The following NBEA variants were observed in gnomAD, a reference collection of about 807,000 sequenced individuals.
NBEA encodes lysosomal-trafficking regulator 2.
Under a neutral mutation model 343.4 loss-of-function variants are expected in NBEA, and 44 were observed. The ratio of observed to expected loss-of-function variants is 0.13; its 90% CI spans 0.10 to 0.16. The LOEUF (loss-of-function observed/expected upper bound fraction) is 0.16, where lower values mean the gene tolerates loss of function less well. Ranked by LOEUF, NBEA falls within the 10% of genes least tolerant of loss-of-function variation. The pLI is 1.00. For synonymous variants in NBEA, 1,175 were observed against 1,238.7 expected (o/e 0.95, Z 1.08); for missense variants, 2,555 against 3,631.3 (o/e 0.70, Z 7.62).
At chr13:35,264,446 A>G (rs1173437418) in intron 34 of NBEA, among the ~76,000 whole-genome samples, 2 of 152,024 alleles carry the variant, frequency 1.3e-5, no homozygotes, top group Non-Finnish European at 2.9e-5. Flanking sequence ...CATTATGAAA[A>G]AAGAAAACTG....
At chr13:35,628,325 G>T in intron 49 of NBEA, 77 bp downstream of exon 49, 1 of 1,123,606 alleles carries the variant, frequency 8.9e-7, no homozygotes, top group Non-Finnish European at 1.2e-6. Context: ...ATCTCTTTCT[G>T]TATAATTTTG....
chr13:35,585,312 C>A (rs1036230944), intron 46 of NBEA, among the ~76,000 whole-genome samples: 2 of 151,996 alleles, frequency 1.3e-5, no homozygotes, highest in Admixed American at 1.3e-4. Flanking sequence ...AGTTCCACAT[C>A]CATCACTTTA....
At chr13:35,322,163 G>A (rs2152841257) in intron 36 of NBEA, among the ~76,000 whole-genome samples, 1 of 152,282 alleles carries the variant, frequency 6.6e-6, no homozygotes, top group Non-Finnish European at 1.5e-5. Flanking sequence ...AACTCCTGCA[G>A]CTAGCTCAGT....
At chr13:35,123,360 C>G (rs2066904162) in intron 16 of NBEA, 122 bp from the exon 17 acceptor site, 1 of 505,966 alleles carries the variant, frequency 2.0e-6, no homozygotes, top group South Asian at 6.2e-5. Flanking sequence ...GAATTATAAT[C>G]CTGAGAAGAA....
At chr13:35,331,224 A>C (rs1295321379) in intron 36 of NBEA, among the ~76,000 whole-genome samples, 1 of 151,986 alleles carries the variant, frequency 6.6e-6, no homozygotes, top group African/African-American at 2.4e-5. Flanking sequence ...TACTTTTGAG[A>C]TTTTGGAGCC....
chr13:35,584,012 T>A lies in NBEA; in HGVS notation c.7150T>A (p.Ser2384Thr). The part of the protein sequence containing the change: ...HYNTHYSTAT[S>T]TLSWLVRIEP... ...TAATACCCATTATTCAACAGCAACA[T>A]CTACTTTATCCTGGCTTGTTCGAAT... is the stretch of plus-strand genomic sequence containing the variant. Residue 2384 changes from serine (S) to threonine (T), a missense_variant, in exon 46 of 59, where the codon TCT (serine) becomes ACT (threonine). Physicochemically the swap from Ser to Thr is moderately conservative, Grantham distance 58. Coordinates refer to ENST00000379939, the MANE Select transcript of NBEA (RefSeq NM_001385012.1). 6.2e-7 allele frequency: 1 copy of A among 1,613,704 alleles called. No individual in the cohort carries two copies. The highest frequency in any genetic ancestry group is 8.5e-7 in the Non-Finnish European group (1 of 1,179,740).
At chr13:35,091,417 G>T (rs754507649) in intron 10 of NBEA, among the ~76,000 whole-genome samples, 65 of 151,902 alleles carry the variant, frequency 4.3e-4, no homozygotes, top group Admixed American at 2.0e-4. Flanking sequence ...TGCATACATG[G>T]ATCTAATCCA....
At chr13:35,482,982 A>G (rs1176919223) in intron 41 of NBEA, among the ~76,000 whole-genome samples, 1 of 151,882 alleles carries the variant, frequency 6.6e-6, no homozygotes, top group Non-Finnish European at 1.5e-5. Flanking sequence ...AGACTGTAAC[A>G]CCGTTATTTA....
intron 10 of NBEA, among the ~76,000 whole-genome samples, chr13:35,085,329 C>T (rs1461492450): frequency 1.8e-4 from 28 of 152,094 alleles, no homozygotes; most frequent in Non-Finnish European, 3.2e-4. Context: ...ATGCAAAAAT[C>T]CTCAATAAAA....
At chr13:35,426,212 C>T (rs908675627) in intron 38 of NBEA, among the ~76,000 whole-genome samples, 2 of 152,120 alleles carry the variant, frequency 1.3e-5, no homozygotes, top group Non-Finnish European at 2.9e-5. Flanking sequence ...GGCTATTTTG[C>T]TCGTTAGTTG....
intron 55 of NBEA, among the ~76,000 whole-genome samples, chr13:35,659,121 A>C (rs1241551871): frequency 6.6e-6 from 1 of 152,192 alleles, no homozygotes; most frequent in Non-Finnish European, 1.5e-5. Context: ...GTTATGTCTA[A>C]ATTTGTATTA....
intron 17 of NBEA, among the ~76,000 whole-genome samples, chr13:35,140,331 G>A (rs1049175658): frequency 1.3e-5 from 2 of 151,928 alleles, no homozygotes; most frequent in Non-Finnish European, 1.5e-5. Context: ...GACTAATTTA[G>A]ACATATGTTT....
chr13:35,041,187 A>G (rs751122257), intron 2 of NBEA, 23 bp downstream of exon 2: 11 of 1,567,190 alleles, frequency 7.0e-6, no homozygotes. Context: ...CTGACAGGAA[A>G]GTATAACTTA....
intron 38 of NBEA, among the ~76,000 whole-genome samples, chr13:35,412,359 A>G (rs982409565): frequency 3.9e-5 from 6 of 152,268 alleles, no homozygotes; most frequent in Admixed American, 1.3e-4. Context: ...TCTTTTCAAC[A>G]TATTTTGTAA....
chr13:35,080,978 GGCAT>G, intron 10 of NBEA, among the ~76,000 whole-genome samples: 1 of 152,192 alleles, frequency 6.6e-6, no homozygotes, highest in Non-Finnish European at 1.5e-5. Context: ...CAAAGATGCT[GGCAT>G]TCATCATCCC....
In NBEA at chr13:35,432,357, C is replaced by T. The variant is rs2045175532; in HGVS notation, c.6268C>T (p.His2090Tyr). Reference protein sequence around the residue: ...RFVRNAFGSTHAEALLKAAIE... With the variant: ...RFVRNAFGSTYAEALLKAAIE... ...TGTTCGCAATGCATTTGGCTCCACT[C>T]ATGCTGAAGCATTGCTGAAAGCTGC... The change falls in exon 39 of 59, where the codon CAT (histidine) becomes TAT (tyrosine). Residue 2090 changes from histidine (H) to tyrosine (Y), a missense_variant. Transcript: ENST00000379939. The T allele has an allele frequency of 6.2e-7, 1 of 1,609,220 alleles. No homozygotes were observed. Among genetic ancestry groups the T allele is most frequent in the African/African-American group, 1.3e-5 (1 of 74,778 alleles).
chr13:35,499,964 T>C (rs1459336979), intron 41 of NBEA, among the ~76,000 whole-genome samples: 1 of 152,110 alleles, frequency 6.6e-6, no homozygotes, highest in Non-Finnish European at 1.5e-5. Flanking sequence ...AGACTCTGAA[T>C]GCACAGTCTC....
At chr13:34,967,385 A>T (rs142443990) in intron 1 of NBEA, among the ~76,000 whole-genome samples, 1 of 151,796 alleles carries the variant, frequency 6.6e-6, no homozygotes, top group East Asian at 1.9e-4. Flanking sequence ...AGACCTCGTC[A>T]AAGTAGTAGA....
intron 36 of NBEA, among the ~76,000 whole-genome samples, chr13:35,330,233 A>T (rs979443103): frequency 6.6e-6 from 1 of 152,102 alleles, no homozygotes; most frequent in Non-Finnish European, 1.5e-5. Flanking sequence ...GTAAGAATCA[A>T]ATGAGATGAT....
Sources: gnomAD v4.1 joint callset for allele counts (sites outside exome capture counted in the v4.1 genomes callset) on GRCh38, gnomAD v4.1.1 for gene constraint, MANE v1.5 for transcripts, NCBI Gene and HGNC (gene_info 2026-07-23, HGNC 2026-07-21) for gene names.